Variants in CELF2 observed in about 807,000 individuals in gnomAD.
CELF2 encodes the protein CUGBP Elav-like family member 2.
In CELF2, 8 loss-of-function variants were observed where a neutral mutation model predicts 62.6. The observed-to-expected ratio is 0.13, with a 90% CI of 0.07 to 0.23. The LOEUF (loss-of-function observed/expected upper bound fraction) is 0.23, where lower values mean the gene tolerates loss of function less well. CELF2 is among the 10% of genes least tolerant of loss of function. CELF2 has a pLI of 1.00. For missense variants in CELF2, 333 were observed against 671.0 expected (o/e 0.50, Z 5.56); for synonymous variants, 258 against 250.0 (o/e 1.03, Z -0.30).
chr10:10,954,945 A>G (rs1424275593), intron 2 of CELF2, among the ~76,000 whole-genome samples: 1 of 152,282 alleles, frequency 6.6e-6, no homozygotes, highest in Admixed American at 6.5e-5. Flanking sequence ...AAGATAAATC[A>G]TAATCCACAG....
rs1592134337 is a variant in CELF2 at position 10,935,876 on chromosome 10, A to G, written c.89+15877A>G. On this transcript the variant is annotated intron_variant, in intron 2 of 13. Coordinates refer to the CELF2 transcript ENST00000636488. ...TTTTGTAAAGTAGAAAGAAATAATA[A>G]ATTCTTGGATCACGCCTGAAATCCC... 2.0e-5 allele frequency among the ~76,000 whole-genome samples: 3 copies of G among 152,124 alleles called. No homozygotes were observed. In the South Asian group the frequency reaches 6.2e-4, roughly 32 times the overall value.
intron 2 of CELF2, among the ~76,000 whole-genome samples, chr10:10,940,980 T>TATCTAACTATAA (rs1169076322): frequency 6.6e-6 from 1 of 152,202 alleles, no homozygotes; most frequent in Non-Finnish European, 1.5e-5. Flanking sequence ...ATGCCAACTG[T>TATCTAACTATAA]GTTAACTTCA....
the CELF2 span, among the ~76,000 whole-genome samples, chr10:10,620,952 G>A: frequency 7.7e-5 from 11 of 142,726 alleles, 1 homozygote; most frequent in South Asian, 1.4e-3. Context: ...GGCGGAGCGC[G>A]GTGGCTCACA....
At chr10:11,184,454 A>G (rs542108109) in intron 2 of CELF2, among the ~76,000 whole-genome samples, 8 of 152,312 alleles carry the variant, frequency 5.3e-5, no homozygotes, top group African/African-American at 1.9e-4. Context: ...TACAGTTTCT[A>G]TAGGAAATGC....
the CELF2 span, among the ~76,000 whole-genome samples, chr10:10,492,746 C>T: frequency 6.6e-6 from 1 of 152,162 alleles, no homozygotes; most frequent in African/African-American, 2.4e-5. Context: ...GCTGTGTCCC[C>T]ACCCAAATTT....
At chr10:10,898,486 G>A (rs1483166652) in intron 1 of CELF2, among the ~76,000 whole-genome samples, 6 of 152,284 alleles carry the variant, frequency 3.9e-5, no homozygotes, top group Admixed American at 6.5e-5. Flanking sequence ...AGTAGTAGAC[G>A]AAGTCAGTTT....
At chr10:11,062,489 TG>T (rs1335815272) in intron 1 of CELF2, among the ~76,000 whole-genome samples, 19 of 152,148 alleles carry the variant, frequency 1.2e-4, no homozygotes, top group African/African-American at 4.6e-4. Context: ...AACAGGAATT[TG>T]GAAGAAGTGG....
chr10:11,121,390 C>T (rs1419329043), intron 1 of CELF2, among the ~76,000 whole-genome samples: 1 of 152,166 alleles, frequency 6.6e-6, no homozygotes, highest in Non-Finnish European at 1.5e-5. Context: ...CATTAAGCAG[C>T]ATTTTCTGTT....
intron 2 of CELF2, among the ~76,000 whole-genome samples, chr10:10,977,523 T>C (rs1414617068): frequency 6.6e-6 from 1 of 152,242 alleles, no homozygotes; most frequent in Non-Finnish European, 1.5e-5. Context: ...CTTCTTTGAC[T>C]GTCTTTCCTG....
chr10:10,524,486 G>A, the CELF2 span, among the ~76,000 whole-genome samples: 3 of 151,218 alleles, frequency 2.0e-5, no homozygotes, highest in Non-Finnish European at 4.4e-5. Flanking sequence ...TATGGGGACT[G>A]TGGCCATTTG....
chr10:11,269,630 C>T lies in CELF2; in HGVS notation c.619-1036C>T, dbSNP rs112992960. Among the ~76,000 whole-genome samples, 163 of 152,162 alleles carry T rather than the reference C, an allele frequency of 1.1e-3. 1 individual carries two copies. The highest frequency in any genetic ancestry group is 3.7e-3 in the African/African-American group (153 of 41,508). On this transcript the variant is annotated intron_variant, in intron 6 of 12. Transcript: ENST00000633077. The surrounding 1 kb of genome is among the most constrained non-coding windows in gnomAD (Gnocchi z 4.4). ...TTGAACAGCTTTAATTGTGATGAAA[C>T]GTGTAGGCAAGCCACACAAAGGAGG...
At chr10:10,504,838 T>C in the CELF2 span, among the ~76,000 whole-genome samples, 1 of 152,170 alleles carries the variant, frequency 6.6e-6, no homozygotes, top group Admixed American at 6.5e-5. Flanking sequence ...ACTGAGCTTT[T>C]TATTTTGGTT....
At chr10:10,669,906 T>A in the CELF2 span, among the ~76,000 whole-genome samples, 1 of 148,112 alleles carries the variant, frequency 6.8e-6, no homozygotes, top group Non-Finnish European at 1.5e-5. Flanking sequence ...TGCCTTTTTT[T>A]TTTTTTTTTT....
the CELF2 span, among the ~76,000 whole-genome samples, chr10:10,483,239 TA>T: frequency 7.4e-6 from 1 of 135,910 alleles, no homozygotes; most frequent in Non-Finnish European, 1.6e-5. Flanking sequence ...AAAAAAAGCA[TA>T]GACTTTGGAG....
intron 3 of CELF2, among the ~76,000 whole-genome samples, chr10:11,231,180 TC>T (rs2068513737): frequency 6.6e-6 from 1 of 152,228 alleles, no homozygotes; most frequent in Admixed American, 6.5e-5. Context: ...TTTTCATTCT[TC>T]CTTCTTGTGA....
chr10:10,742,551 G>A, the CELF2 span, among the ~76,000 whole-genome samples: 1 of 143,186 alleles, frequency 7.0e-6, no homozygotes, highest in East Asian at 2.0e-4. Flanking sequence ...ATCCAAGATA[G>A]CACCACAGTA....
intron 1 of CELF2, among the ~76,000 whole-genome samples, chr10:10,807,503 T>G (rs1590611009): frequency 1.3e-5 from 2 of 152,350 alleles, no homozygotes; most frequent in East Asian, 3.9e-4. Context: ...AGACAGATTT[T>G]TTTTTGCACC....
chr10:11,257,521 A>G, intron 4 of CELF2: 1 of 515,318 alleles, frequency 1.9e-6, no homozygotes, highest in Non-Finnish European at 3.5e-6. Flanking sequence ...AGTAAGCACA[A>G]GCACACGGGG....
rs796857171 is a variant in CELF2 at position 10,908,214 on chromosome 10, ATTTTTTTTT to A, written c.54-11735_54-11727del. ...TCCTTGTCAAAGAATGTATGAGGGGATTTTTTTTTTTTTTTTTTTTTTTGAAACAGAGTC... is the reference window on the plus strand; with the variant it reads ...TCCTTGTCAAAGAATGTATGAGGGGATTTTTTTTTTTTTTGAAACAGAGTC... On this transcript the variant is annotated intron_variant, in intron 1 of 13. Transcript: ENST00000636488. Among the ~76,000 whole-genome samples, 70 of 83,736 alleles carry A rather than the reference ATTTTTTTTT, an allele frequency of 8.4e-4. 1 individual carries two copies. Among genetic ancestry groups the A allele is most frequent in the African/African-American group, 3.2e-3 (66 of 20,636 alleles). The allele number at this position is 83,736 out of a possible 152,430, so 54.9% of individuals were successfully genotyped here. A position where few individuals can be genotyped will look rare whatever the true frequency, so the allele number is the denominator to read the frequency against.
Sources: gnomAD v4.1 joint callset for allele counts (sites outside exome capture counted in the v4.1 genomes callset) on GRCh38, gnomAD v4.1.1 for gene constraint, Gnocchi (gnomAD v3.1) non-coding constraint, MANE v1.5 for transcripts, NCBI Gene and HGNC (gene_info 2026-07-23, HGNC 2026-07-21) for gene names.